SLC39A10: variants seen among roughly 807,000 people sequenced by gnomAD.
The protein encoded by SLC39A10 is solute carrier family 39 member 10.
In SLC39A10, 13 loss-of-function variants were observed where a neutral mutation model predicts 65.1. That is an observed-to-expected ratio of 0.20 (90% CI 0.13 to 0.32). SLC39A10 has a LOEUF of 0.32. Ranked by LOEUF, SLC39A10 falls within the 10% of genes least tolerant of loss-of-function variation. The pLI, the probability that SLC39A10 is intolerant of heterozygous loss-of-function variation, is 1.00. For missense variants in SLC39A10, 831 were observed against 1,018.4 expected (o/e 0.82, Z 2.50); for synonymous variants, 321 against 342.2 (o/e 0.94, Z 0.68).
intron 3 of SLC39A10, among the ~76,000 whole-genome samples, chr2:195,703,688 C>CTA (rs1412879339): frequency 6.6e-6 from 1 of 152,212 alleles, no homozygotes; most frequent in Non-Finnish European, 1.5e-5. Flanking sequence ...GGGTCTGACT[C>CTA]TGTCACCCAG....
intron 2 of SLC39A10, among the ~76,000 whole-genome samples, chr2:195,637,660 C>A (rs193273571): frequency 2.0e-5 from 3 of 152,296 alleles, no homozygotes; most frequent in Admixed American, 2.0e-4. Context: ...TCATTCTTAA[C>A]CATAATTGAG....
At chr2:195,675,418 A>C (rs1690042097) in intron 1 of SLC39A10, among the ~76,000 whole-genome samples, 1 of 152,142 alleles carries the variant, frequency 6.6e-6, no homozygotes, top group South Asian at 2.1e-4. Context: ...CATTAGAAAA[A>C]CATTTACAAT....
At chr2:195,615,239 T>C (rs913948406) in intron 2 of SLC39A10, among the ~76,000 whole-genome samples, 1 of 152,164 alleles carries the variant, frequency 6.6e-6, no homozygotes, top group Non-Finnish European at 1.5e-5. Context: ...TCTGATTGGG[T>C]AGGTTCAGAG....
intron 8 of SLC39A10, among the ~76,000 whole-genome samples, chr2:195,721,269 C>T (rs1692028520): frequency 1.3e-5 from 2 of 152,104 alleles, no homozygotes; most frequent in Non-Finnish European, 2.9e-5. Flanking sequence ...ACCTTCACTT[C>T]TTCTCTCTAC....
chr2:195,674,276 CTTATT>C (rs1047472701), intron 1 of SLC39A10, among the ~76,000 whole-genome samples: 1 of 151,810 alleles, frequency 6.6e-6, no homozygotes, highest in African/African-American at 2.4e-5. Context: ...ACCACTTTTC[CTTATT>C]TTATTTTATT....
At chr2:195,624,381 C>T (rs1383440565) in intron 2 of SLC39A10, among the ~76,000 whole-genome samples, 2 of 138,944 alleles carry the variant, frequency 1.4e-5, no homozygotes, top group East Asian at 4.4e-4. Flanking sequence ...GAGCAAAACT[C>T]CGTCTCAAAT....
In SLC39A10 at chr2:195,680,728, C is replaced by T. The variant is rs139926734; in HGVS notation, c.686C>T (p.Pro229Leu). Residue 229 changes from proline (P) to leucine (L), a missense_variant, in exon 2 of 10, where the codon CCG (proline) becomes CTG (leucine). Coordinates refer to ENST00000359634, the MANE Select transcript of SLC39A10 (RefSeq NM_020342.3). ...KTQEQSDVKL[P>L]KGKRKKKGRK... is the part of the protein sequence containing the mutation. ...CAGGAACAATCTGATGTTAAACTACCGAAAGGAAAGAGGAAGAAAAAAGGG... is the reference window on the plus strand; with the variant it reads ...CAGGAACAATCTGATGTTAAACTACTGAAAGGAAAGAGGAAGAAAAAAGGG... 63 of 1,613,754 alleles carry T rather than the reference C, an allele frequency of 3.9e-5. No individual in the cohort carries two copies. The highest frequency in any genetic ancestry group is 4.7e-5 in the Non-Finnish European group (56 of 1,179,960).
intron 6 of SLC39A10, among the ~76,000 whole-genome samples, chr2:195,715,206 G>C (rs907988588): frequency 6.6e-6 from 1 of 151,862 alleles, no homozygotes; most frequent in African/African-American, 2.4e-5. Flanking sequence ...TACTTACCTG[G>C]TATAATCATA....
intron 9 of SLC39A10, among the ~76,000 whole-genome samples, chr2:195,729,961 A>ATTTTTTT (rs58936616): frequency 0.019 from 1,779 of 92,088 alleles, 13 homozygotes; most frequent in Non-Finnish European, 0.026. Flanking sequence ...ACCATGCCTA[A>ATTTTTTT]TTTTTTTTTT....
intron 1 of SLC39A10, among the ~76,000 whole-genome samples, chr2:195,679,760 GAT>G (rs1157862280): frequency 6.6e-6 from 1 of 152,076 alleles, no homozygotes; most frequent in South Asian, 2.1e-4. Flanking sequence ...AATTATTGCT[GAT>G]ATATAGGAAT....
At chr2:195,692,705 C>T (rs895380882) in intron 3 of SLC39A10, among the ~76,000 whole-genome samples, 2 of 152,110 alleles carry the variant, frequency 1.3e-5, no homozygotes, top group African/African-American at 2.4e-5. Context: ...TTGCTGAATT[C>T]ATTTACTAGT....
At chr2:195,622,954 A>T (rs1017468364) in intron 2 of SLC39A10, among the ~76,000 whole-genome samples, 23 of 140,264 alleles carry the variant, frequency 1.6e-4, no homozygotes, top group African/African-American at 5.9e-4. Context: ...CCTGGGTGAC[A>T]GAGCGAGACT....
chr2:195,646,041 G>C (rs1688906982), intron 2 of SLC39A10, among the ~76,000 whole-genome samples: 1 of 152,122 alleles, frequency 6.6e-6, no homozygotes, highest in Non-Finnish European at 1.5e-5. Context: ...TTGACCTCCA[G>C]GCTCAAGCGA....
At chr2:195,686,856 G>A (rs1023516109) in intron 3 of SLC39A10, among the ~76,000 whole-genome samples, 1 of 152,182 alleles carries the variant, frequency 6.6e-6, no homozygotes, top group African/African-American at 2.4e-5. Flanking sequence ...AAAAGGTTTT[G>A]GAGAGTGCTT....
intron 8 of SLC39A10, among the ~76,000 whole-genome samples, chr2:195,722,935 G>C (rs957106601): frequency 6.6e-6 from 1 of 152,144 alleles, no homozygotes; most frequent in Non-Finnish European, 1.5e-5. Context: ...TGAACAGATT[G>C]CTGTTTTTCC....
chr2:195,694,924 G>A (rs1208877330), intron 3 of SLC39A10, among the ~76,000 whole-genome samples: 2 of 152,164 alleles, frequency 1.3e-5, no homozygotes, highest in African/African-American at 4.8e-5. Context: ...TCTGAAGGGT[G>A]AGCACAGCAG....
Position 195,616,705 on chromosome 2 carries a change from G to A in SLC39A10, c.-12+10472G>A, listed in dbSNP as rs375022914. On this transcript the variant is annotated intron_variant, in intron 2 of 2. Coordinates refer to the SLC39A10 transcript ENST00000458054. Reference sequence around the variant, plus strand: ...TGCAAGCTCCGCCTCCCAGGTTCACGCCATTCTCCTGCCTCAGCCTTCCAA... The same window carrying A: ...TGCAAGCTCCGCCTCCCAGGTTCACACCATTCTCCTGCCTCAGCCTTCCAA... Among the ~76,000 whole-genome samples, 9 of 151,682 alleles carry A rather than the reference G, an allele frequency of 5.9e-5. No homozygotes were observed. In the East Asian group the frequency reaches 1.2e-3, roughly 20 times the overall value.
At chr2:195,644,243 T>A (rs1165303282) in intron 2 of SLC39A10, among the ~76,000 whole-genome samples, 1 of 151,714 alleles carries the variant, frequency 6.6e-6, no homozygotes, top group Non-Finnish European at 1.5e-5. Context: ...ACGCCTGTGA[T>A]CCCAGCACTT....
chr2:195,730,258 A>G (rs1195623161), intron 9 of SLC39A10, among the ~76,000 whole-genome samples: 2 of 152,198 alleles, frequency 1.3e-5, no homozygotes, highest in Non-Finnish European at 2.9e-5. Flanking sequence ...TTTTCTTGTC[A>G]TAACAGCAGA....
Sources: gnomAD v4.1 joint callset for allele counts (sites outside exome capture counted in the v4.1 genomes callset) on GRCh38, gnomAD v4.1.1 for gene constraint, MANE v1.5 for transcripts, NCBI Gene and HGNC (gene_info 2026-07-23, HGNC 2026-07-21) for gene names.